Variants in CYB5R3 observed in about 807,000 individuals in gnomAD.
The protein encoded by CYB5R3 is cytochrome b5 reductase 3.
In CYB5R3, 28 loss-of-function variants were observed where a neutral mutation model predicts 36.5. The ratio of observed to expected loss-of-function variants is 0.77; its 90% CI spans 0.57 to 1.05. CYB5R3 has a LOEUF of 1.05. CYB5R3 is among the 50% of genes least tolerant of loss of function. CYB5R3 has a pLI of 0.00. For missense variants in CYB5R3, 474 were observed against 408.9 expected (o/e 1.16, Z -1.37); for synonymous variants, 181 against 159.8 (o/e 1.13, Z -1.00).
intron 7 of CYB5R3, among the ~76,000 whole-genome samples, chr22:42,625,423 G>A (rs1449854225): frequency 2.6e-5 from 4 of 152,108 alleles, no homozygotes; most frequent in Admixed American, 2.0e-4. Flanking sequence ...CAGGACAATC[G>A]CTTGAACCCG....
chr22:42,638,465 A>G (rs1322948784), intron 1 of CYB5R3, among the ~76,000 whole-genome samples: 1 of 144,222 alleles, frequency 6.9e-6, no homozygotes, highest in Non-Finnish European at 1.5e-5. Flanking sequence ...AGCTACTCAG[A>G]TGGCAGAGGC....
intron 2 of CYB5R3, 36 bp from the exon 3 acceptor site, chr22:42,631,486 G>C (rs1429188213): frequency 1.3e-6 from 2 of 1,545,744 alleles, no homozygotes; most frequent in Non-Finnish European, 1.8e-6. Context: ...ACGGTCCCCA[G>C]GGCAGAGGCC....
chr22:42,642,135 A>G (rs1004839705), intron 1 of CYB5R3, among the ~76,000 whole-genome samples: 3 of 145,644 alleles, frequency 2.1e-5, no homozygotes, highest in Non-Finnish European at 3.0e-5. Context: ...TTTTTGAGAC[A>G]GGGTTTCACT....
chr22:42,646,428 G>T (rs1227705687), intron 1 of CYB5R3, among the ~76,000 whole-genome samples: 1 of 152,170 alleles, frequency 6.6e-6, no homozygotes, highest in Non-Finnish European at 1.5e-5. Context: ...ATAGCTGAGG[G>T]GCTGCGTAGC....
chr22:42,633,744 T>C (rs1297040879), intron 2 of CYB5R3, among the ~76,000 whole-genome samples: 3 of 152,038 alleles, frequency 2.0e-5, no homozygotes, highest in Non-Finnish European at 4.4e-5. Context: ...GATTGTGCCA[T>C]TGCACTCCAG....
chr22:42,619,707 G>A lies in CYB5R3; in HGVS notation c.*66C>T. ...GCCCCAGTGTGCGATGTGGGGAGGT[G>A]ACTGGGTGAGCGTGAACAGGGCGTG... On this transcript the variant is annotated 3_prime_UTR_variant, in exon 9 of 9. Transcript: ENST00000352397. The A allele has an allele frequency of 6.8e-7, 1 of 1,468,924 alleles. No homozygotes were observed. 91.0% of individuals were successfully genotyped at this position (1,468,924 alleles called of 1,614,324 possible).
intron 1 of CYB5R3, chr22:42,639,056 G>A (rs1474751869): frequency 2.6e-5 from 11 of 424,958 alleles, no homozygotes; most frequent in South Asian, 1.0e-4. Flanking sequence ...AAGGCCAGGC[G>A]CTGTAGCTCA....
rs537991373 is a variant in CYB5R3, at chr22:42,638,669, T to G, written c.22-1823A>C. On this transcript the variant is annotated intron_variant, in intron 1 of 8. Transcript: ENST00000352397. ...GGCAGAAGGTTGCCTGTGGAGGAGGTTGCAGTGAGCCAAGATCACACCACC... is the reference window on the plus strand; with the variant it reads ...GGCAGAAGGTTGCCTGTGGAGGAGGGTGCAGTGAGCCAAGATCACACCACC... Among the ~76,000 whole-genome samples, 10 of 117,540 alleles carry G rather than the reference T, an allele frequency of 8.5e-5. No homozygotes were observed. The South Asian group carries it at 2.7e-3, about 32-fold the overall frequency. 77.1% of individuals were successfully genotyped at this position (117,540 alleles called of 152,430 possible). A position where few individuals can be genotyped will look rare whatever the true frequency, so the allele number is the denominator to read the frequency against.
chr22:42,646,203 GCACACTCACACA>G (rs1276506289), intron 1 of CYB5R3, among the ~76,000 whole-genome samples: 1 of 152,070 alleles, frequency 6.6e-6, no homozygotes, highest in African/African-American at 2.4e-5. Context: ...TGTGCTGCGT[GCACACTCACACA>G]CACACTCACA....
intron 1 of CYB5R3, among the ~76,000 whole-genome samples, chr22:42,641,778 G>C (rs1278218930): frequency 2.6e-5 from 4 of 151,972 alleles, no homozygotes; most frequent in Non-Finnish European, 2.9e-5. Flanking sequence ...GAGCCACAGC[G>C]CCTGGCCAAT....
At chr22:42,620,698 G>A (rs1927917487) in intron 8 of CYB5R3, among the ~76,000 whole-genome samples, 1 of 152,170 alleles carries the variant, frequency 6.6e-6, no homozygotes, top group African/African-American at 2.4e-5. Context: ...CGCTGTGAAG[G>A]TCCTGACGGG....
At chr22:42,641,859 A>G (rs1929290985) in intron 1 of CYB5R3, among the ~76,000 whole-genome samples, 1 of 151,912 alleles carries the variant, frequency 6.6e-6, no homozygotes, top group African/African-American at 2.4e-5. Context: ...CCTGACCTCA[A>G]GTGATCCACC....
Sources: allele counts gnomAD v4.1 joint callset (sites outside exome capture counted in the v4.1 genomes callset), GRCh38; gene constraint gnomAD v4.1.1; transcripts MANE v1.5; gene names NCBI Gene and HGNC (gene_info 2026-07-23, HGNC 2026-07-21).